The following SCN2A variants were observed in gnomAD, a reference collection of about 807,000 sequenced individuals.
SCN2A encodes the protein sodium channel protein type 2 subunit alpha.
Under a neutral mutation model 188.7 loss-of-function variants are expected in SCN2A, and 20 were observed. The observed-to-expected ratio is 0.11, with a 90% CI of 0.07 to 0.15. The LOEUF is 0.15. Ranked by LOEUF, SCN2A falls within the 10% of genes least tolerant of loss-of-function variation. SCN2A has a pLI of 1.00. For synonymous variants in SCN2A, 804 were observed against 833.1 expected (o/e 0.97, Z 0.60); for missense variants, 1,278 against 2,445.0 (o/e 0.52, Z 10.07).
At chr2:165,388,263 A>C (rs1299537529) in intron 26 of SCN2A, among the ~76,000 whole-genome samples, 1 of 152,136 alleles carries the variant, frequency 6.6e-6, no homozygotes, top group Non-Finnish European at 1.5e-5. Flanking sequence ...ACCCAAAATC[A>C]TACACCTTTA....
At chr2:165,388,352 G>A (rs1313808900) in intron 26 of SCN2A, among the ~76,000 whole-genome samples, 7 of 152,096 alleles carry the variant, frequency 4.6e-5, no homozygotes, top group South Asian at 2.1e-4. Flanking sequence ...GCTTCATGAT[G>A]TCTTTGGACC....
Position 165,390,352 on chromosome 2 carries a change from A to G in SCN2A, c.*528A>G, listed in dbSNP as rs1702078902. 1 of 159,222 alleles carries G rather than the reference A, an allele frequency of 6.3e-6. No individual in the cohort carries two copies. The highest frequency in any genetic ancestry group is 2.4e-5 in the African/African-American group (1 of 41,442). 9.9% of individuals were successfully genotyped at this position (159,222 alleles called of 1,614,324 possible). A position where few individuals can be genotyped will look rare whatever the true frequency, so the allele number is the denominator to read the frequency against. ...AGGGAATTCTACATTTCTCTATTGT[A>G]TTGTATAACTGGATATATTTTAAAT... On this transcript the variant is annotated 3_prime_UTR_variant, in exon 27 of 27. Transcript: ENST00000375437.
chr2:165,335,042 A>G (rs954229269), intron 14 of SCN2A, among the ~76,000 whole-genome samples: 1 of 151,748 alleles, frequency 6.6e-6, no homozygotes, highest in African/African-American at 2.4e-5. Context: ...TTAGGAATAA[A>G]TTTAATAAAA....
intron 13 of SCN2A, chr2:165,327,866 C>G (rs117186420): frequency 1.3e-5 from 2 of 152,130 alleles, no homozygotes; most frequent in African/African-American, 4.8e-5. Flanking sequence ...ACTTCAACTA[C>G]TTGGAAAATA....
intron 14 of SCN2A, among the ~76,000 whole-genome samples, chr2:165,332,911 C>G (rs1157527791): frequency 1.3e-5 from 2 of 151,944 alleles, no homozygotes; most frequent in East Asian, 3.9e-4. Context: ...CTCTTCTTCC[C>G]AATATGTGAC....
rs1699362667 is a variant in SCN2A at position 165,342,342 on chromosome 2, C to T, written c.2435C>T (p.Ala812Val). Residue 812 changes from alanine to valine, a missense_variant, in exon 15 of 27, where the codon GCC (alanine) becomes GTC (valine). Around this residue, in one of 17 missense-constraint regions of SCN2A, gnomAD observed 83 missense variants for 256.8 expected, o/e 0.32. Coordinates refer to ENST00000375437, the MANE Select transcript of SCN2A (RefSeq NM_001040142.2). ...GCAGAAATGTTTCTCAAGATAATTGCCATGGATCCATATTATTACTTTCAA... is the reference window on the plus strand; with the variant it reads ...GCAGAAATGTTTCTCAAGATAATTGTCATGGATCCATATTATTACTTTCAA... ...FTAEMFLKIIAMDPYYYFQEG... is the reference protein window; with the variant it reads ...FTAEMFLKIIVMDPYYYFQEG... 1 of 1,613,858 alleles carries T rather than the reference C, an allele frequency of 6.2e-7. No individual in the cohort carries two copies. The highest frequency in any genetic ancestry group is 8.5e-7 in the Non-Finnish European group (1 of 1,179,862).
At chr2:165,328,581 T>A in intron 13 of SCN2A, 1 of 861,530 alleles carries the variant, frequency 1.2e-6, no homozygotes, top group African/African-American at 1.8e-5. Context: ...TCTGATAGCA[T>A]TAAGTTTGAG....
chr2:165,276,098 A>G (rs1309081312), intron 1 of SCN2A, among the ~76,000 whole-genome samples: 1 of 152,218 alleles, frequency 6.6e-6, no homozygotes, highest in African/African-American at 2.4e-5. Flanking sequence ...GCTAGAAAGT[A>G]GGAGAGTAAG....
At chr2:165,314,353 G>A (rs574602919) in intron 10 of SCN2A, among the ~76,000 whole-genome samples, 6 of 152,086 alleles carry the variant, frequency 3.9e-5, no homozygotes, top group African/African-American at 1.4e-4. Context: ...TTTCTCCCTT[G>A]TGACTCCTTG....
intron 11 of SCN2A, 128 bp downstream of exon 11, chr2:165,315,886 A>G (rs1358612656): frequency 8.9e-7 from 1 of 1,118,638 alleles, no homozygotes; most frequent in Non-Finnish European, 1.3e-6. Context: ...ATGATTATCA[A>G]GTGTTTTGGC....
At chr2:165,383,606 T>A (rs960084043) in intron 25 of SCN2A, among the ~76,000 whole-genome samples, 4 of 152,174 alleles carry the variant, frequency 2.6e-5, no homozygotes, top group African/African-American at 9.7e-5. Context: ...GCCGTGTGAA[T>A]ACATTGTAGA....
intron 20 of SCN2A, 123 bp from the exon 21 acceptor site, chr2:165,373,102 C>T: frequency 1.9e-6 from 2 of 1,054,370 alleles, no homozygotes. Flanking sequence ...TTTAACAAGA[C>T]CCCTGGGTGA....
At chr2:165,283,916 C>T (rs867296222) in intron 1 of SCN2A, among the ~76,000 whole-genome samples, 4 of 152,168 alleles carry the variant, frequency 2.6e-5, no homozygotes, top group African/African-American at 9.7e-5. Context: ...ACTTCCTTCA[C>T]AAATAATGCA....
At chr2:165,309,277 G>A in intron 5 of SCN2A, 75 bp from the exon 6 acceptor site, 1 of 1,613,404 alleles carries the variant, frequency 6.2e-7, no homozygotes, top group African/African-American at 1.3e-5. Context: ...AATGGTATAA[G>A]GTGGTAGGCC....
intron 3 of SCN2A, among the ~76,000 whole-genome samples, chr2:165,306,515 TGTGTGTGTG>T (rs1697146416): frequency 1.0e-4 from 1 of 9,564 alleles, no homozygotes; most frequent in Non-Finnish European, 7.0e-4. Flanking sequence ...TGTGTGTGTG[TGTGTGTGTG>T]TGTGTGTGTG....
intron 1 of SCN2A, among the ~76,000 whole-genome samples, chr2:165,265,955 G>A (rs1694843587): frequency 6.6e-6 from 1 of 151,002 alleles, no homozygotes; most frequent in Non-Finnish European, 1.5e-5. Flanking sequence ...TGAGTAGCTG[G>A]GACCATAGGT....
intron 1 of SCN2A, among the ~76,000 whole-genome samples, chr2:165,288,732 A>ATGTGTG (rs71977859): frequency 1.9e-5 from 2 of 107,598 alleles, no homozygotes; most frequent in Admixed American, 8.6e-5. Flanking sequence ...ATACATATAC[A>ATGTGTG]TGTGTGTGTG....
intron 23 of SCN2A, among the ~76,000 whole-genome samples, chr2:165,379,978 A>G (rs1253183969): frequency 6.6e-6 from 1 of 151,826 alleles, no homozygotes; most frequent in Non-Finnish European, 1.5e-5. Context: ...GGATAAAGCA[A>G]TAGATTCATT....
rs796053171 is a variant in SCN2A at position 165,308,795 on chromosome 2, G to A, written c.605+1G>A. 2 of 1,612,418 alleles carry A rather than the reference G, an allele frequency of 1.2e-6. No homozygotes were observed. The highest frequency in any genetic ancestry group is 1.7e-6 in the Non-Finnish European group (2 of 1,178,838). ...TGGATTTCACAGTCATTACTTTTGC[G>A]TAAGTATCTTAATACATTTTCTATC... On this transcript the variant is annotated splice_donor_variant, in intron 5 of 26. Transcript: ENST00000375437. LOFTEE classifies it high-confidence loss of function.
Sources: gnomAD v4.1 joint callset for allele counts (sites outside exome capture counted in the v4.1 genomes callset) on GRCh38, gnomAD v4.1.1 for gene constraint, gnomAD v4.1.1 regional missense constraint, MANE v1.5 for transcripts, NCBI Gene and HGNC (gene_info 2026-07-23, HGNC 2026-07-21) for gene names.